Variants in ME3 observed in about 807,000 individuals in gnomAD.
The protein encoded by ME3 is malic enzyme 3, also known as NADP-dependent malic enzyme, mitochondrial.
Under a neutral mutation model 68.9 loss-of-function variants are expected in ME3, and 48 were observed. The observed-to-expected ratio is 0.70, with a 90% CI of 0.55 to 0.89. The LOEUF is 0.89. Ranked by LOEUF, ME3 falls within the 40% of genes least tolerant of loss-of-function variation. The pLI, the probability that ME3 is intolerant of heterozygous loss-of-function variation, is 0.00. For missense variants in ME3, 675 were observed against 797.4 expected, an observed-to-expected ratio of 0.85 and a Z score of 1.85; for synonymous variants, 320 against 318.8, an observed-to-expected ratio of 1.00 and a Z score of -0.04.
At chr11:86,594,158 G>A (rs762002375) in intron 2 of ME3, among the ~76,000 whole-genome samples, 1 of 146,724 alleles carries the variant, frequency 6.8e-6, no homozygotes, top group African/African-American at 2.5e-5. Context: ...GTATCTGTAC[G>A]CATACTGTCA....
chr11:86,538,184 C>T (rs1228093149), intron 4 of ME3, among the ~76,000 whole-genome samples: 2 of 152,114 alleles, frequency 1.3e-5, no homozygotes, highest in African/African-American at 4.8e-5. Context: ...TGGGGACACA[C>T]ATAATTCAGA....
intron 4 of ME3, among the ~76,000 whole-genome samples, chr11:86,548,002 T>C (rs1956465488): frequency 6.6e-6 from 1 of 152,142 alleles, no homozygotes; most frequent in Non-Finnish European, 1.5e-5. Context: ...AGTTCATCTG[T>C]CTCCCATTTA....
chr11:86,440,779 A>G (rs1226560130), downstream of ME3, among the ~76,000 whole-genome samples: 2 of 152,092 alleles, frequency 1.3e-5, no homozygotes, highest in Non-Finnish European at 2.9e-5. Context: ...TCATCTCCCC[A>G]TGACTCCCAC....
rs150294373 is a variant in ME3, at chr11:86,450,387, C to T, written c.931G>A (p.Val311Ile). The T allele has an allele frequency of 6.3e-5, 102 of 1,613,996 alleles. 1 individual carries two copies. The African/African-American group carries it at 9.9e-4, about 16-fold the overall frequency. The stretch of plus-strand genomic sequence containing the variant: ...GCAGCCAAGATCCCTGCCACAGCAA[C>T]GGAGGCTGTGCCTGAAACAGAGTGG... The change falls in exon 9 of 15, where the codon GTT becomes ATT. Residue 311 changes from valine (V) to isoleucine (I), a missense_variant. Transcript: ENST00000543262.
chr11:86,632,978 C>T (rs754947015), intron 2 of ME3, among the ~76,000 whole-genome samples: 6 of 152,186 alleles, frequency 3.9e-5, no homozygotes, highest in East Asian at 1.9e-4. Flanking sequence ...AGTCACTCTC[C>T]GCCTGAGCAC....
chr11:86,564,897 G>A (rs563189268), intron 2 of ME3, among the ~76,000 whole-genome samples: 1 of 152,290 alleles, frequency 6.6e-6, no homozygotes, highest in East Asian at 1.9e-4. Context: ...TATCAAGGAT[G>A]TGAAAAGACA....
chr11:86,620,682 T>C (rs558740056), intron 2 of ME3, among the ~76,000 whole-genome samples: 6 of 152,258 alleles, frequency 3.9e-5, no homozygotes, highest in Non-Finnish European at 8.8e-5. Flanking sequence ...TTCTGCAGCT[T>C]ACAAAGGGGA....
intron 2 of ME3, among the ~76,000 whole-genome samples, chr11:86,602,638 C>A (rs187271747): frequency 2.0e-5 from 3 of 152,240 alleles, no homozygotes; most frequent in African/African-American, 7.2e-5. Context: ...AAAGAGCCCG[C>A]ATCAGTAAGT....
At chr11:86,618,299 CA>C (rs55824426) in intron 2 of ME3, among the ~76,000 whole-genome samples, 1 of 55,942 alleles carries the variant, frequency 1.8e-5, no homozygotes, top group African/African-American at 7.1e-5. Flanking sequence ...GGCTCTGTCT[CA>C]AAAAAAAAAA....
chr11:86,583,925 A>G (rs1300810196), intron 2 of ME3, among the ~76,000 whole-genome samples: 2 of 152,240 alleles, frequency 1.3e-5, no homozygotes, highest in African/African-American at 2.4e-5. Flanking sequence ...TATAGATACA[A>G]TATCAAAAGC....
intron 4 of ME3, among the ~76,000 whole-genome samples, chr11:86,531,949 A>C (rs1001209064): frequency 1.3e-5 from 2 of 151,536 alleles, no homozygotes; most frequent in African/African-American, 4.9e-5. Context: ...CACATTGTGC[A>C]CATGTACCCT....
intron 5 of ME3, among the ~76,000 whole-genome samples, chr11:86,501,567 A>G (rs1594200500): frequency 6.6e-6 from 1 of 152,188 alleles, no homozygotes; most frequent in East Asian, 1.9e-4. Context: ...ACCTGTAGAT[A>G]ACTGTCTGCT....
intron 4 of ME3, among the ~76,000 whole-genome samples, chr11:86,526,788 G>C (rs1259134565): frequency 6.6e-6 from 1 of 152,322 alleles, no homozygotes; most frequent in East Asian, 1.9e-4. Flanking sequence ...AACTCCAACA[G>C]ACCTGCAGCT....
chr11:86,657,684 A>G (rs1945995834), intron 2 of ME3, among the ~76,000 whole-genome samples: 1 of 152,198 alleles, frequency 6.6e-6, no homozygotes, highest in South Asian at 2.1e-4. Context: ...TTAACTTGTG[A>G]CCAAACTAGA....
intron 8 of ME3, among the ~76,000 whole-genome samples, chr11:86,463,529 C>T (rs954392200): frequency 2.0e-5 from 3 of 152,256 alleles, no homozygotes; most frequent in Non-Finnish European, 4.4e-5. Context: ...AGGCCTGTCC[C>T]AGGCCTATGC....
intron 2 of ME3, among the ~76,000 whole-genome samples, chr11:86,653,456 CA>C (rs1319010062): frequency 1.3e-5 from 2 of 152,186 alleles, no homozygotes; most frequent in Admixed American, 6.5e-5. Context: ...CAAAACTGCT[CA>C]ACTACATGGA....
chr11:86,442,732 G>A, intron 14 of ME3, 89 bp downstream of exon 14: 3 of 1,107,772 alleles, frequency 2.7e-6, no homozygotes, highest in Non-Finnish European at 2.7e-6. Flanking sequence ...TGTCTCCACA[G>A]TTTCCATCCC....
Position 86,643,408 on chromosome 11 carries a change from AT to A in ME3, c.183+28353del, listed in dbSNP as rs139859019. 3.5e-3 allele frequency among the ~76,000 whole-genome samples: 534 copies of A among 152,144 alleles called. 2 individuals carry two copies. The highest frequency in any genetic ancestry group is 0.012 in the African/African-American group (507 of 41,514). On this transcript the variant is annotated intron_variant, in intron 2 of 14. Coordinates refer to ENST00000543262, the Ensembl canonical transcript of ME3. ...TCCTCTCAAACCATACAGTTTTGCT[AT>A]TGCTATATTTGCTTAGAACATCTTT...
chr11:86,597,989 A>C (rs1959821989), intron 2 of ME3, among the ~76,000 whole-genome samples: 1 of 152,174 alleles, frequency 6.6e-6, no homozygotes, highest in Admixed American at 6.5e-5. Context: ...GAATAGGAAC[A>C]GTTCTGGTCT....
Sources: gnomAD v4.1 joint callset for allele counts (sites outside exome capture counted in the v4.1 genomes callset) on GRCh38, gnomAD v4.1.1 for gene constraint, MANE v1.5 for transcripts, NCBI Gene and HGNC (gene_info 2026-07-23, HGNC 2026-07-21) for gene names.